Variants in RAB27B observed in about 807,000 individuals in gnomAD.
RAB27B encodes the protein ras-related protein Rab-27B.
RAB27B carries 15 observed loss-of-function variants against 24.6 expected under a neutral mutation model. The ratio of observed to expected loss-of-function variants is 0.61; its 90% CI spans 0.41 to 0.94. The LOEUF (loss-of-function observed/expected upper bound fraction) is 0.94. Among genes scored for constraint, RAB27B ranks in the 40% least tolerant of loss-of-function variants. The pLI is 0.00. For missense variants in RAB27B, 261 were observed against 266.8 expected, an observed-to-expected ratio of 0.98 and a Z score of 0.15; for synonymous variants, 105 against 92.5, an observed-to-expected ratio of 1.14 and a Z score of -0.78.
chr18:54,753,672 CAT>C (rs36108398), intron 2 of RAB27B, among the ~76,000 whole-genome samples: 23,186 of 152,040 alleles, frequency 0.15, 2,269 homozygotes, highest in East Asian at 0.33. Context: ...AAAACAAAAA[CAT>C]GTCTATAAGC....
intron 1 of RAB27B, among the ~76,000 whole-genome samples, chr18:54,871,896 T>G (rs1276113293): frequency 3.3e-5 from 5 of 151,788 alleles, no homozygotes; most frequent in Non-Finnish European, 5.9e-5. Flanking sequence ...TTCTGTTAAT[T>G]TAATACGTTA....
At chr18:54,879,259 A>G in intron 2 of RAB27B, 110 bp from the exon 3 acceptor site, 1 of 806,578 alleles carries the variant, frequency 1.2e-6, no homozygotes, top group Non-Finnish European at 2.2e-6. Flanking sequence ...ATTCTGCACT[A>G]TGAACTTTGA....
chr18:54,846,462 A>G (rs1401423230), intron 1 of RAB27B, among the ~76,000 whole-genome samples: 1 of 152,246 alleles, frequency 6.6e-6, no homozygotes, highest in Non-Finnish European at 1.5e-5. Flanking sequence ...ATCTCCTCCC[A>G]TGAAATAATT....
intron 2 of RAB27B, among the ~76,000 whole-genome samples, chr18:54,821,817 G>A (rs1284048699): frequency 3.3e-5 from 5 of 152,182 alleles, no homozygotes; most frequent in African/African-American, 1.2e-4. Flanking sequence ...GCAATGACAC[G>A]ATCTCGGCTC....
chr18:54,879,357 T>G lies in RAB27B; in HGVS notation c.154-12T>G. Reference sequence around the variant, plus strand: ...CAAAGCAACCTCAACTAATGAACGTTGTATCTTTCAGGTTTATAATGCACA... The same window carrying G: ...CAAAGCAACCTCAACTAATGAACGTGGTATCTTTCAGGTTTATAATGCACA... On this transcript the variant is annotated splice_polypyrimidine_tract_variant and intron_variant, in intron 2 of 5. Transcript: ENST00000262094. 6.3e-7 allele frequency: 1 copy of G among 1,598,968 alleles called. No homozygotes were observed. Among genetic ancestry groups the G allele is most frequent in the Middle Eastern group, 1.7e-4 (1 of 6,030 alleles).
At chr18:54,814,363 C>T (rs1458347447) in intron 2 of RAB27B, among the ~76,000 whole-genome samples, 3 of 152,148 alleles carry the variant, frequency 2.0e-5, no homozygotes, top group Non-Finnish European at 4.4e-5. Context: ...TTTGTTTGAA[C>T]ATTAATGTGG....
chr18:54,814,910 A>G (rs1243191613), intron 2 of RAB27B, among the ~76,000 whole-genome samples: 1 of 152,132 alleles, frequency 6.6e-6, no homozygotes, highest in Non-Finnish European at 1.5e-5. Context: ...GGCTGAAAGG[A>G]ATGTGCTGTT....
At chr18:54,810,695 T>G (rs1909932454) in intron 2 of RAB27B, among the ~76,000 whole-genome samples, 2 of 151,934 alleles carry the variant, frequency 1.3e-5, no homozygotes, top group Non-Finnish European at 2.9e-5. Context: ...CTGGGTGTGG[T>G]GGCGGGCACC....
chr18:54,887,859 A>G, intron 4 of RAB27B, 136 bp from the exon 5 acceptor site: 1 of 927,146 alleles, frequency 1.1e-6, no homozygotes, highest in Non-Finnish European at 1.6e-6. Flanking sequence ...TGGGAAGAGG[A>G]AGTAACTTGG....
intron 1 of RAB27B, among the ~76,000 whole-genome samples, chr18:54,829,482 T>C (rs898184145): frequency 6.6e-6 from 1 of 152,232 alleles, no homozygotes; most frequent in Non-Finnish European, 1.5e-5. Flanking sequence ...CCAGTTGTTT[T>C]AAACTGCACA....
At chr18:54,812,343 A>G (rs1410750527) in intron 2 of RAB27B, among the ~76,000 whole-genome samples, 11 of 152,210 alleles carry the variant, frequency 7.2e-5, no homozygotes. Context: ...TAACTACAAG[A>G]AAATTTACAG....
intron 2 of RAB27B, among the ~76,000 whole-genome samples, chr18:54,878,966 C>T (rs931174254): frequency 1.3e-5 from 2 of 152,116 alleles, no homozygotes; most frequent in African/African-American, 4.8e-5. Context: ...TCTGTGATTT[C>T]ACTGAAGTGT....
chr18:54,755,345 G>A (rs989003021), intron 2 of RAB27B, among the ~76,000 whole-genome samples: 8 of 152,182 alleles, frequency 5.3e-5, no homozygotes, highest in South Asian at 2.1e-4. Context: ...AGCTGAGATC[G>A]CACCAGTGCA....
chr18:54,844,501 G>A (rs1394630344), intron 1 of RAB27B, among the ~76,000 whole-genome samples: 1 of 146,092 alleles, frequency 6.8e-6, no homozygotes, highest in Non-Finnish European at 1.5e-5. Context: ...CCACCTCCCG[G>A]TTTCAAGTGA....
In RAB27B at chr18:54,889,311, G is replaced by GCA; in HGVS notation, c.555_556insCA (p.Glu186GlnfsTer62). The GCA allele has an allele frequency of 6.2e-7, 1 of 1,613,358 alleles. No individual in the cohort carries two copies. The highest frequency in any genetic ancestry group is 1.1e-5 in the South Asian group (1 of 91,028). On this transcript the variant is annotated frameshift_variant, in exon 6 of 6. Coordinates refer to ENST00000262094, the MANE Select transcript of RAB27B (RefSeq NM_004163.4). LOFTEE classifies it high-confidence loss of function. ...TTTTGGACTTAATCATGAAGCGAAT[G>GCA]GAACAGTGTGTGGAGAAGACACAAA...
In RAB27B at chr18:54,893,033, C is replaced by G. The variant is rs1046789330; in HGVS notation, c.*3620C>G. On this transcript the variant is annotated 3_prime_UTR_variant, in exon 6 of 6. Coordinates refer to ENST00000262094, the MANE Select transcript of RAB27B (RefSeq NM_004163.4). ...CTGGGAATCAACAAATTTGATGAAG[C>G]CTGTCTGTCTCTTCACCAGTGGAGT... 6.6e-6 allele frequency: 1 copy of G among 151,996 alleles called. No individual in the cohort carries two copies. Among genetic ancestry groups the G allele is most frequent in the Non-Finnish European group, 1.5e-5 (1 of 67,920 alleles). 9.4% of individuals were successfully genotyped at this position (151,996 alleles called of 1,614,324 possible).
At chr18:54,743,118 A>G (rs1215991589) in intron 2 of RAB27B, among the ~76,000 whole-genome samples, 1 of 152,198 alleles carries the variant, frequency 6.6e-6, no homozygotes, top group Admixed American at 6.5e-5. Context: ...TAAGCCAATG[A>G]TTTTGTATCT....
upstream of RAB27B, among the ~76,000 whole-genome samples, chr18:54,827,625 G>A (rs1252434426): frequency 1.3e-5 from 2 of 152,186 alleles, no homozygotes; most frequent in African/African-American, 4.8e-5. Flanking sequence ...AACAAGTTAA[G>A]TAATTAAAAT....
intron 2 of RAB27B, among the ~76,000 whole-genome samples, chr18:54,768,581 G>C (rs1042001628): frequency 1.3e-4 from 20 of 152,046 alleles, no homozygotes; most frequent in Non-Finnish European, 2.6e-4. Context: ...TAACTCTCAT[G>C]TTTTTCTCAG....
Sources: gnomAD v4.1 joint callset for allele counts (sites outside exome capture counted in the v4.1 genomes callset) on GRCh38, gnomAD v4.1.1 for gene constraint, MANE v1.5 for transcripts, NCBI Gene and HGNC (gene_info 2026-07-23, HGNC 2026-07-21) for gene names.